The following RGS7 variants were observed in gnomAD, a reference collection of about 807,000 sequenced individuals.
The protein encoded by RGS7 is regulator of G-protein signaling 7.
A neutral mutation model predicts 81.1 loss-of-function variants in RGS7; 27 were observed. The ratio of observed to expected loss-of-function variants is 0.33; its 90% CI spans 0.25 to 0.46. The LOEUF is 0.46. RGS7 is among the 20% of genes least tolerant of loss of function. RGS7 has a pLI of 1.00. For synonymous variants in RGS7, 208 were observed against 207.7 expected, an observed-to-expected ratio of 1.00 and a Z score of -0.01; for missense variants, 396 against 607.4, an observed-to-expected ratio of 0.65 and a Z score of 3.66.
At chr1:241,049,964 C>T (rs1235631171) in intron 3 of RGS7, among the ~76,000 whole-genome samples, 1 of 152,084 alleles carries the variant, frequency 6.6e-6, no homozygotes, top group Non-Finnish European at 1.5e-5. Flanking sequence ...TATTTGAGTG[C>T]CCTCGGTACT....
At chr1:241,061,778 C>G (rs2061752063) in intron 3 of RGS7, among the ~76,000 whole-genome samples, 1 of 152,158 alleles carries the variant, frequency 6.6e-6, no homozygotes, top group African/African-American at 2.4e-5. Context: ...CCACTCACCC[C>G]TCTGAGCTAG....
intron 3 of RGS7, among the ~76,000 whole-genome samples, chr1:241,067,152 T>C (rs1572526086): frequency 6.6e-6 from 1 of 152,332 alleles, no homozygotes; most frequent in African/African-American, 2.4e-5. Flanking sequence ...GGGGTTTGTC[T>C]TTCTTGTGGC....
chr1:241,112,136 A>G (rs2065555471), intron 2 of RGS7, among the ~76,000 whole-genome samples: 1 of 152,068 alleles, frequency 6.6e-6, no homozygotes, highest in Non-Finnish European at 1.5e-5. Context: ...AGAAAGCACT[A>G]CTCTGCTTCC....
chr1:241,289,470 G>A (rs2078984176), intron 2 of RGS7, among the ~76,000 whole-genome samples: 1 of 152,162 alleles, frequency 6.6e-6, no homozygotes, highest in African/African-American at 2.4e-5. Context: ...ACATTTTATA[G>A]TAACAGCTGA....
chr1:240,859,341 T>A (rs1189989502), intron 9 of RGS7, among the ~76,000 whole-genome samples: 1 of 151,940 alleles, frequency 6.6e-6, no homozygotes, highest in Non-Finnish European at 1.5e-5. Context: ...ATAATAGATG[T>A]TAAGATGTAG....
At chr1:240,867,519 A>G (rs555551955) in intron 9 of RGS7, among the ~76,000 whole-genome samples, 2 of 152,286 alleles carry the variant, frequency 1.3e-5, no homozygotes, top group African/African-American at 4.8e-5. Flanking sequence ...GTTTTCTGGT[A>G]TTAATTAAGG....
chr1:240,875,289 T>C (rs901679069), intron 6 of RGS7, among the ~76,000 whole-genome samples: 12 of 152,194 alleles, frequency 7.9e-5, no homozygotes, highest in Admixed American at 2.0e-4. Flanking sequence ...GCAGTATTTG[T>C]GTTTCAGTGC....
At chr1:241,266,876 T>A (rs1006124182) in intron 2 of RGS7, among the ~76,000 whole-genome samples, 6 of 152,172 alleles carry the variant, frequency 3.9e-5, no homozygotes, top group African/African-American at 1.4e-4. Flanking sequence ...TTTCTTCCTT[T>A]CCCTAAAACC....
chr1:241,048,760 T>C (rs2061086254), intron 3 of RGS7, among the ~76,000 whole-genome samples: 1 of 152,178 alleles, frequency 6.6e-6, no homozygotes, highest in Admixed American at 6.5e-5. Flanking sequence ...CATATGAGCT[T>C]TCTAGGGTTG....
At chr1:240,937,938 G>T (rs546959994) in intron 4 of RGS7, among the ~76,000 whole-genome samples, 2 of 152,268 alleles carry the variant, frequency 1.3e-5, no homozygotes, top group South Asian at 4.1e-4. Flanking sequence ...TACTCATACT[G>T]TTTATAGCTG....
At chr1:240,993,109 G>GGGAGGGAA (rs1316374931) in intron 3 of RGS7, among the ~76,000 whole-genome samples, 1 of 122,434 alleles carries the variant, frequency 8.2e-6, no homozygotes, top group Admixed American at 8.2e-5. Context: ...GAGGGAGGGA[G>GGGAGGGAA]GGAGGGAAGG....
intron 9 of RGS7, among the ~76,000 whole-genome samples, chr1:240,845,917 T>C (rs1232296612): frequency 6.6e-6 from 1 of 152,206 alleles, no homozygotes; most frequent in Non-Finnish European, 1.5e-5. Context: ...TGTTGCCTCA[T>C]CTCTGGCCAC....
chr1:240,847,666 C>A (rs1446133639), intron 9 of RGS7, among the ~76,000 whole-genome samples: 6 of 152,136 alleles, frequency 3.9e-5, no homozygotes, highest in African/African-American at 1.4e-4. Context: ...AAAGAAATAA[C>A]ATAAATTTTG....
intron 18 of RGS7, among the ~76,000 whole-genome samples, chr1:240,795,667 G>C (rs1478932977): frequency 6.6e-6 from 1 of 152,128 alleles, no homozygotes; most frequent in African/African-American, 2.4e-5. Context: ...TCCATTAATA[G>C]ATGATCAGAA....
At chr1:241,147,976 T>G (rs945684330) in intron 2 of RGS7, among the ~76,000 whole-genome samples, 1 of 149,622 alleles carries the variant, frequency 6.7e-6, no homozygotes, top group Non-Finnish European at 1.5e-5. Flanking sequence ...GGCTCTCATT[T>G]TATCTATATG....
At chr1:241,211,779 A>G (rs1005366590) in intron 2 of RGS7, among the ~76,000 whole-genome samples, 1 of 152,252 alleles carries the variant, frequency 6.6e-6, no homozygotes, top group African/African-American at 2.4e-5. Flanking sequence ...GAAACTGGAC[A>G]AAGAGTTAAA....
chr1:241,230,219 T>C (rs1484986449), intron 2 of RGS7, among the ~76,000 whole-genome samples: 1 of 152,134 alleles, frequency 6.6e-6, no homozygotes, highest in East Asian at 1.9e-4. Context: ...TTTATTTATT[T>C]ATTTATTTAT....
At chr1:240,994,992 G>C (rs1572170721) in intron 3 of RGS7, among the ~76,000 whole-genome samples, 1 of 152,026 alleles carries the variant, frequency 6.6e-6, no homozygotes, top group African/African-American at 2.4e-5. Context: ...TTTTGTAGAT[G>C]TTCTTTATCA....
At chr1:241,212,522 C>A (rs2074302841) in intron 2 of RGS7, among the ~76,000 whole-genome samples, 1 of 152,072 alleles carries the variant, frequency 6.6e-6, no homozygotes, top group Admixed American at 6.5e-5. Flanking sequence ...TCTGAAGCTG[C>A]CAGGGTAGGA....
Sources: gnomAD v4.1 joint callset for allele counts (sites outside exome capture counted in the v4.1 genomes callset) on GRCh38, gnomAD v4.1.1 for gene constraint, MANE v1.5 for transcripts, NCBI Gene and HGNC (gene_info 2026-07-23, HGNC 2026-07-21) for gene names.